Variants in ZBTB41 observed in about 807,000 individuals in gnomAD.
ZBTB41 encodes the protein zinc finger and BTB domain containing 41.
Under a neutral mutation model 87.6 loss-of-function variants are expected in ZBTB41, and 42 were observed. That is an observed-to-expected ratio of 0.48 (90% CI 0.37 to 0.62). ZBTB41 has a LOEUF of 0.62. ZBTB41 is among the 20% of genes least tolerant of loss of function. The pLI, the probability that ZBTB41 is intolerant of heterozygous loss-of-function variation, is 0.00. For missense variants in ZBTB41, 799 were observed against 1,078.9 expected (o/e 0.74, Z 3.63); for synonymous variants, 364 against 364.0 (o/e 1.00, Z 0.00).
chr1:197,184,707 G>A (rs908441061), intron 5 of ZBTB41, among the ~76,000 whole-genome samples: 2 of 152,084 alleles, frequency 1.3e-5, no homozygotes, highest in Non-Finnish European at 2.9e-5. Context: ...AAGATCATCT[G>A]TAAAGTGAGT....
chr1:197,199,972 T>C lies in ZBTB41; in HGVS notation c.502A>G (p.Ile168Val), dbSNP rs984463888. 1.2e-6 allele frequency: 2 copies of C among 1,613,620 alleles called. No individual in the cohort carries two copies. The highest frequency in any genetic ancestry group is 1.7e-6 in the Non-Finnish European group (2 of 1,179,838). Residue 168 changes from isoleucine to valine, a missense_variant, in exon 2 of 11, where the codon ATA becomes GTA. This residue lies in a region of ZBTB41 where 294 missense variants were observed against 340.1 expected (regional missense o/e 0.86). Transcript: ENST00000367405. ...VLEAAKFLDI[I>V]DAVKLLNNEN... ...TTATTTAACAACTTCACTGCATCTA[T>C]AATGTCCAAAAATTTTGCAGCCTCT...
intron 7 of ZBTB41, among the ~76,000 whole-genome samples, chr1:197,177,783 A>C (rs2125130814): frequency 6.6e-6 from 1 of 152,240 alleles, no homozygotes; most frequent in East Asian, 1.9e-4. Flanking sequence ...GATTTTACCA[A>C]GACCAACTGA....
intron 7 of ZBTB41, 94 bp from the exon 8 acceptor site, chr1:197,176,764 G>T: frequency 1.1e-6 from 1 of 900,736 alleles, no homozygotes; most frequent in Non-Finnish European, 1.8e-6. Context: ...AATGAAAACT[G>T]GGCTGTCTAC....
intron 10 of ZBTB41, 55 bp from the exon 11 acceptor site, chr1:197,160,069 A>C: frequency 2.8e-6 from 4 of 1,417,178 alleles, no homozygotes; most frequent in Non-Finnish European, 3.9e-6. Flanking sequence ...ACTTGATAAG[A>C]CAATGACTTC....
intron 5 of ZBTB41, among the ~76,000 whole-genome samples, chr1:197,184,766 AAGTC>A (rs1456758660): frequency 2.0e-5 from 3 of 151,608 alleles, no homozygotes; most frequent in East Asian, 1.9e-4. Context: ...TAATGACTAA[AAGTC>A]AGATCACTTC....
Position 197,173,962 on chromosome 1 carries a change from C to A in ZBTB41, c.1985+1048G>T, listed in dbSNP as rs564539490. 3.9e-5 allele frequency among the ~76,000 whole-genome samples: 6 copies of A among 152,220 alleles called. No homozygotes were observed. In the South Asian group the frequency reaches 1.2e-3, roughly 32 times the overall value. ...GAATATTGAGAAACGTCCTACAATA[C>A]ACAAGAAAAGAATTACTTGGTCCAA... On this transcript the variant is annotated intron_variant, in intron 9 of 10. Transcript: ENST00000367405.
chr1:197,163,838 T>C (rs1226893442), intron 10 of ZBTB41, among the ~76,000 whole-genome samples: 5 of 151,650 alleles, frequency 3.3e-5, no homozygotes, highest in African/African-American at 9.7e-5. Context: ...CTATCTAAAG[T>C]GCCAAATGAA....
At position 197,191,963 on chromosome 1, in the gene ZBTB41, GA is replaced by G. The variant is rs1660048339; in HGVS notation, c.1121-65del. The G allele has an allele frequency of 2.9e-6, 4 of 1,358,328 alleles. No individual in the cohort carries two copies. The Admixed American group carries it at 1.0e-4, about 34-fold the overall frequency. The allele number at this position is 1,358,328 out of a possible 1,614,324, so 84.1% of individuals were successfully genotyped here. On this transcript the variant is annotated intron_variant, in intron 2 of 10. Coordinates refer to ENST00000367405, the MANE Select transcript of ZBTB41 (RefSeq NM_194314.3). ...TTGCTATACTGTGATTGGAATTTGAGAGTGGAATAAAACCTCATGATTTAGC... is the reference window on the plus strand; with the variant it reads ...TTGCTATACTGTGATTGGAATTTGAGGTGGAATAAAACCTCATGATTTAGC...
chr1:197,173,734 C>T (rs924086764), intron 9 of ZBTB41, among the ~76,000 whole-genome samples: 17 of 152,174 alleles, frequency 1.1e-4, no homozygotes, highest in African/African-American at 3.9e-4. Flanking sequence ...GCTTGGTTTA[C>T]CTTATTCCAT....
At chr1:197,175,448 A>ATATATATATATATATATATATATATATC (rs1197311649) in intron 8 of ZBTB41, among the ~76,000 whole-genome samples, 1 of 142,492 alleles carries the variant, frequency 7.0e-6, no homozygotes, top group Non-Finnish European at 1.5e-5. Flanking sequence ...ATATATATAT[A>ATATATATATATATATATATATATATATC]TGTCTGTATA....
chr1:197,182,921 T>A (rs1659789169), intron 5 of ZBTB41, among the ~76,000 whole-genome samples: 1 of 152,168 alleles, frequency 6.6e-6, no homozygotes, highest in African/African-American at 2.4e-5. Context: ...CTCCAGGTGC[T>A]TGTGATATAT....
In ZBTB41 at chr1:197,199,915, T is replaced by G. The variant is rs374480968; in HGVS notation, c.559A>C (p.Thr187Pro). The part of the protein sequence containing the change: ...ENVAPFHSEL[T>P]EKSSPEETLN... ...GTTTCTTCTGGTGATGACTTTTCAG[T>G]TAGCTCTGAATGAAAAGGGGCAACA... Residue 187 changes from threonine (T) to proline (P), a missense_variant, in exon 2 of 11, where the codon ACT (threonine) becomes CCT (proline). Coordinates refer to ENST00000367405, the MANE Select transcript of ZBTB41 (RefSeq NM_194314.3). 85 of 1,612,370 alleles carry G rather than the reference T, an allele frequency of 5.3e-5. No individual in the cohort carries two copies. The highest frequency in any genetic ancestry group is 6.9e-5 in the Non-Finnish European group (81 of 1,179,188).
chr1:197,184,069 T>C (rs936990845), intron 5 of ZBTB41, among the ~76,000 whole-genome samples: 1 of 152,126 alleles, frequency 6.6e-6, no homozygotes, highest in African/African-American at 2.4e-5. Context: ...ACCAAAAAGA[T>C]TACCTAAAAT....
rs558601340 is a variant in ZBTB41 at position 197,158,192 on chromosome 1, A to C, written c.*1167T>G. The C allele has an allele frequency of 5.2e-5, 8 of 152,440 alleles. No individual in the cohort carries two copies. The East Asian group carries it at 1.5e-3, about 29-fold the overall frequency. 9.4% of individuals were successfully genotyped at this position (152,440 alleles called of 1,614,324 possible). ...TTTGCTGTAACTGCTATTTCCTTTC[A>C]CCAAGTCCTCAACTTTTGTCTCATA... is the stretch of plus-strand genomic sequence containing the variant. On this transcript the variant is annotated 3_prime_UTR_variant, in exon 11 of 11. Transcript: ENST00000367405.
chr1:197,159,245 G>C lies in ZBTB41; in HGVS notation c.*114C>G. ...AGTTTTCTTGATTTGAAACTGTTCT[G>C]AGGACTTGAGAAACTAGAGAAAACA... On this transcript the variant is annotated 3_prime_UTR_variant, in exon 11 of 11. Coordinates refer to ENST00000367405, the MANE Select transcript of ZBTB41 (RefSeq NM_194314.3). 2 of 1,012,668 alleles carry C rather than the reference G, an allele frequency of 2.0e-6. No homozygotes were observed. Among genetic ancestry groups the C allele is most frequent in the South Asian group, 3.2e-5 (2 of 62,294 alleles). 62.7% of individuals were successfully genotyped at this position (1,012,668 alleles called of 1,614,324 possible).
At chr1:197,201,120 A>G (rs1652778971) in intron 1 of ZBTB41, among the ~76,000 whole-genome samples, 103 bp downstream of exon 1, 1 of 152,212 alleles carries the variant, frequency 6.6e-6, no homozygotes, top group East Asian at 1.9e-4. Context: ...GAAGCAGAAG[A>G]GCTTTCCCAG....
chr1:197,188,009 T>C (rs553610338), intron 5 of ZBTB41, among the ~76,000 whole-genome samples: 1 of 152,242 alleles, frequency 6.6e-6, no homozygotes, highest in East Asian at 1.9e-4. Flanking sequence ...TAGTCTAAAC[T>C]AGAGTCTTTG....
intron 5 of ZBTB41, among the ~76,000 whole-genome samples, chr1:197,184,507 A>G (rs1281609993): frequency 1.3e-5 from 2 of 152,224 alleles, no homozygotes; most frequent in East Asian, 3.8e-4. Flanking sequence ...TCTAAAATAT[A>G]TATTTGTCAA....
At chr1:197,198,615 T>C (rs1336455500) in intron 2 of ZBTB41, among the ~76,000 whole-genome samples, 2 of 152,286 alleles carry the variant, frequency 1.3e-5, no homozygotes, top group African/African-American at 2.4e-5. Flanking sequence ...CTTCCAAGAA[T>C]TATCTTACCT....
Sources: allele counts gnomAD v4.1 joint callset (sites outside exome capture counted in the v4.1 genomes callset), GRCh38; gene constraint gnomAD v4.1.1; regional missense constraint gnomAD v4.1.1; transcripts MANE v1.5; gene names NCBI Gene and HGNC (gene_info 2026-07-23, HGNC 2026-07-21).